Variants in FAT3 observed in about 807,000 individuals in gnomAD.
FAT3 encodes the protein protocadherin Fat 3.
FAT3 carries 95 observed loss-of-function variants against 310.2 expected under a neutral mutation model. The ratio of observed to expected loss-of-function variants is 0.31; its 90% confidence interval spans 0.26 to 0.36. The LOEUF is 0.36. Ranked by LOEUF, FAT3 falls within the 10% of genes least tolerant of loss-of-function variation. The probability of loss-of-function intolerance (pLI) is 1.00; values close to 1 mark genes in which losing one functional copy is unlikely to be tolerated. For synonymous variants in FAT3, 2,314 were observed against 2,192.9 expected (o/e 1.06, Z -1.54); for missense variants, 5,408 against 5,715.6 (o/e 0.95, Z 1.74).
At position 92,890,662 on chromosome 11, in the gene FAT3, C is replaced by G. The variant is rs769149682; in HGVS notation, c.13319C>G (p.Pro4440Arg). The G allele has an allele frequency of 6.2e-7, 1 of 1,613,854 alleles. No individual in the cohort carries two copies. Among genetic ancestry groups the G allele is most frequent in the Non-Finnish European group, 8.5e-7 (1 of 1,179,862 alleles). Residue 4440 changes from proline (P) to arginine (R), a missense_variant, in exon 28 of 28, where the codon CCT becomes CGT. Physicochemically the swap from Pro to Arg is moderately radical, Grantham distance 103. This residue lies in a region of FAT3 where 649 missense variants were observed against 666.2 expected (regional missense o/e 0.97). Coordinates refer to ENST00000525166, the MANE Select transcript of FAT3 (RefSeq NM_001367949.2). Reference sequence around the variant, plus strand: ...GACATTGACAGTGAATACCCACCCCCTCATGAAGAGGAGTTCTTGAGTCAG... The same window carrying G: ...GACATTGACAGTGAATACCCACCCCGTCATGAAGAGGAGTTCTTGAGTCAG... ...GYDIDSEYPP[P>R]HEEEFLSQDQ... is the part of the protein sequence containing the mutation.
chr11:92,653,165 AAAT>A (rs1942449136), intron 3 of FAT3, among the ~76,000 whole-genome samples: 1 of 152,098 alleles, frequency 6.6e-6, no homozygotes, highest in South Asian at 2.1e-4. Flanking sequence ...TCTAAAAAAT[AAAT>A]AAATAAAATT....
chr11:92,699,697 A>G (rs1944039738), intron 4 of FAT3, among the ~76,000 whole-genome samples: 2 of 152,204 alleles, frequency 1.3e-5, no homozygotes, highest in Non-Finnish European at 2.9e-5. Context: ...AGGGATATTC[A>G]ACTTGTATCT....
At chr11:92,234,031 T>C (rs939358329) in intron 1 of FAT3, among the ~76,000 whole-genome samples, 5 of 152,220 alleles carry the variant, frequency 3.3e-5, no homozygotes, top group Non-Finnish European at 1.5e-5. Context: ...TCATCAGTGG[T>C]TACTATAATA....
rs1312988761 is a variant in FAT3 at position 92,830,279 on chromosome 11, G to T, written c.9482-1343G>T. 2.9e-4 allele frequency among the ~76,000 whole-genome samples: 44 copies of T among 152,212 alleles called. 1 individual carries two copies. The highest frequency in any genetic ancestry group is 2.9e-3 in the Admixed American group (44 of 15,280). ...AAACCAGTTAAATCAATATTCAGAA[G>T]TAGAAGTCAATCCAACCGTTATTCA... On this transcript the variant is annotated intron_variant, in intron 13 of 27. Transcript: ENST00000525166.
At chr11:92,815,609 G>A (rs745442307) in intron 13 of FAT3, among the ~76,000 whole-genome samples, 18 of 152,214 alleles carry the variant, frequency 1.2e-4, no homozygotes, top group Non-Finnish European at 2.4e-4. Flanking sequence ...TAAGGAGCTG[G>A]TGAAAGCCAG....
At chr11:92,580,069 C>T (rs971589792) in intron 3 of FAT3, among the ~76,000 whole-genome samples, 2 of 152,022 alleles carry the variant, frequency 1.3e-5, no homozygotes, top group Non-Finnish European at 2.9e-5. Context: ...TAAAGCATCC[C>T]AGCTTATAAT....
At chr11:92,734,030 A>G (rs1488155722) in intron 4 of FAT3, among the ~76,000 whole-genome samples, 2 of 152,218 alleles carry the variant, frequency 1.3e-5, no homozygotes, top group African/African-American at 2.4e-5. Context: ...TGGTTCCCCA[A>G]TAACTCTGTT....
chr11:92,889,323 A>T, intron 26 of FAT3, 75 bp downstream of exon 26: 1 of 630,878 alleles, frequency 1.6e-6, no homozygotes, highest in Non-Finnish European at 2.9e-6. Context: ...AGTGATTTTA[A>T]TGGATTGGCC....
chr11:92,657,795 T>C (rs1393609821), intron 3 of FAT3, among the ~76,000 whole-genome samples: 1 of 152,220 alleles, frequency 6.6e-6, no homozygotes, highest in Non-Finnish European at 1.5e-5. Flanking sequence ...ATTCAGTTCA[T>C]GGCTCTAAAG....
chr11:92,353,750 T>G lies in FAT3; in HGVS notation c.1638T>G (p.Ile546Met). ...FESSPEIYRF[I>M]VRASDWGSPY... ...CCTCCCCAGAAATTTACAGATTCATTGTTAGAGCCTCTGACTGGGGTTCAC... is the reference window on the plus strand; with the variant it reads ...CCTCCCCAGAAATTTACAGATTCATGGTTAGAGCCTCTGACTGGGGTTCAC... Residue 546 changes from isoleucine (I) to methionine (M), a missense_variant, in exon 2 of 28, where the codon ATT becomes ATG. By Grantham distance (10) the Ile-to-Met change is conservative. This residue lies in a region of FAT3 where 4,588 missense variants were observed against 4,809.8 expected (regional missense o/e 0.95). Transcript: ENST00000525166. The G allele has an allele frequency of 6.2e-7, 1 of 1,613,816 alleles. No homozygotes were observed. Among genetic ancestry groups the G allele is most frequent in the Non-Finnish European group, 8.5e-7 (1 of 1,179,814 alleles).
At chr11:92,431,020 A>G (rs1456037025) in intron 2 of FAT3, among the ~76,000 whole-genome samples, 1 of 152,186 alleles carries the variant, frequency 6.6e-6, no homozygotes, top group Non-Finnish European at 1.5e-5. Flanking sequence ...CTTTGGGTAT[A>G]TACCCAGTAA....
rs1045057338 is a variant in FAT3 at position 92,895,914 on chromosome 11, G to T, written c.*4801G>T. 3 of 119,110 alleles carry T rather than the reference G, an allele frequency of 2.5e-5. No individual in the cohort carries two copies. The highest frequency in any genetic ancestry group is 5.0e-5 in the Non-Finnish European group (3 of 59,560). 7.4% of individuals were successfully genotyped at this position (119,110 alleles called of 1,614,324 possible). On this transcript the variant is annotated 3_prime_UTR_variant, in exon 28 of 28. Transcript: ENST00000525166. ...CGCTGTTGGTCTGCAAACTTTTGAG[G>T]TAACTACACACACACACACACACAC...
intron 13 of FAT3, among the ~76,000 whole-genome samples, chr11:92,826,427 T>C (rs1246121400): frequency 6.6e-6 from 1 of 152,144 alleles, no homozygotes; most frequent in Non-Finnish European, 1.5e-5. Context: ...AACCAACTTA[T>C]TAGATAGCCT....
In FAT3 at chr11:92,353,907, G is replaced by A. The variant is rs769390532; in HGVS notation, c.1795G>A (p.Ala599Thr). Residue 599 changes from alanine to threonine, a missense_variant, in exon 2 of 28, where the codon GCA becomes ACA. By Grantham distance (58) the Ala-to-Thr change is moderately conservative (BLOSUM62 0). Coordinates refer to ENST00000525166, the MANE Select transcript of FAT3 (RefSeq NM_001367949.2). ...CTTTCCAGTTGGTGGTCACATCACA[G>A]CAGTCTCAGCGATCGATATCGATGA... is the stretch of plus-strand genomic sequence containing the variant. ...YDFPVGGHITAVSAIDIDELE... is the reference protein window; with the variant it reads ...YDFPVGGHITTVSAIDIDELE... 112 of 1,612,490 alleles carry A rather than the reference G, an allele frequency of 6.9e-5. No individual in the cohort carries two copies. The highest frequency in any genetic ancestry group is 9.4e-5 in the Non-Finnish European group (111 of 1,178,826).
intron 3 of FAT3, among the ~76,000 whole-genome samples, chr11:92,622,948 A>G (rs938544541): frequency 6.6e-6 from 1 of 152,074 alleles, no homozygotes; most frequent in African/African-American, 2.4e-5. Context: ...TGGTTCCATG[A>G]CAATATATCA....
At chr11:92,739,114 A>G (rs111352915) in intron 4 of FAT3, among the ~76,000 whole-genome samples, 3,461 of 152,242 alleles carry the variant, frequency 0.023, 53 homozygotes, top group Non-Finnish European at 0.037. Flanking sequence ...GCAAAGCTAC[A>G]TAAAAGGACA....
intron 3 of FAT3, among the ~76,000 whole-genome samples, chr11:92,669,091 A>G (rs2135817405): frequency 6.6e-6 from 1 of 152,348 alleles, no homozygotes; most frequent in East Asian, 1.9e-4. Context: ...CTTCGAAAGT[A>G]CCATCAACTT....
intron 3 of FAT3, among the ~76,000 whole-genome samples, chr11:92,651,190 C>T (rs1778257556): frequency 6.6e-6 from 1 of 152,208 alleles, no homozygotes; most frequent in African/African-American, 2.4e-5. Context: ...AAAGAGTCTG[C>T]TGTGCTAGAT....
chr11:92,259,581 G>A (rs533005521), intron 1 of FAT3, among the ~76,000 whole-genome samples: 204 of 152,064 alleles, frequency 1.3e-3, no homozygotes, highest in African/African-American at 4.5e-3. Context: ...ATAAAAAAAG[G>A]AGAGCTGTAC....
Sources: allele counts gnomAD v4.1 joint callset (sites outside exome capture counted in the v4.1 genomes callset), GRCh38; gene constraint gnomAD v4.1.1; regional missense constraint gnomAD v4.1.1; transcripts MANE v1.5; gene names NCBI Gene and HGNC (gene_info 2026-07-23, HGNC 2026-07-21).